Variants in CCDC60 observed in about 807,000 individuals in gnomAD.
CCDC60 encodes the protein coiled-coil domain containing 60, also known as coiled-coil domain-containing protein 60.
A neutral mutation model predicts 63.5 loss-of-function variants in CCDC60; 54 were observed. The observed-to-expected ratio is 0.85, with a 90% confidence interval of 0.68 to 1.07. The LOEUF (loss-of-function observed/expected upper bound fraction) is 1.07, where lower values mean the gene tolerates loss of function less well. Among genes scored for constraint, CCDC60 ranks in the 50% least tolerant of loss-of-function variants. CCDC60 has a pLI of 0.00. For synonymous variants in CCDC60, 206 were observed against 238.8 expected, an observed-to-expected ratio of 0.86 and a Z score of 1.27; for missense variants, 651 against 684.3, an observed-to-expected ratio of 0.95 and a Z score of 0.54.
chr12:119,498,316 A>T (rs1248866181), intron 5 of CCDC60, among the ~76,000 whole-genome samples: 2 of 151,776 alleles, frequency 1.3e-5, no homozygotes, highest in East Asian at 3.9e-4. Flanking sequence ...AAACCAAAGC[A>T]GTTCTGTTCA....
chr12:119,422,456 TGG>T (rs2136221545), intron 1 of CCDC60, among the ~76,000 whole-genome samples: 2 of 152,352 alleles, frequency 1.3e-5, no homozygotes, highest in African/African-American at 4.8e-5. Context: ...TGCTGGCATC[TGG>T]TCCTGGGGAG....
At chr12:119,433,788 T>C (rs969372317) in intron 2 of CCDC60, among the ~76,000 whole-genome samples, 4 of 152,212 alleles carry the variant, frequency 2.6e-5, no homozygotes, top group Admixed American at 2.6e-4. Flanking sequence ...CCTGGTTTCA[T>C]GGCCAATTTA....
chr12:119,339,472 C>T (rs146327645), intron 1 of CCDC60, among the ~76,000 whole-genome samples: 2 of 152,274 alleles, frequency 1.3e-5, no homozygotes, highest in East Asian at 3.9e-4. Flanking sequence ...TTGCTCATAT[C>T]CTAGCTTTTA....
intron 1 of CCDC60, among the ~76,000 whole-genome samples, chr12:119,360,156 C>G (rs1177564936): frequency 6.7e-6 from 1 of 149,134 alleles, no homozygotes; most frequent in Non-Finnish European, 1.5e-5. Flanking sequence ...GCTGGCCGGG[C>G]GGGGGGCTGA....
intron 2 of CCDC60, 54 bp downstream of exon 2, chr12:119,428,816 G>A (rs1407568608): frequency 8.4e-7 from 1 of 1,193,976 alleles, no homozygotes; most frequent in Non-Finnish European, 1.2e-6. Flanking sequence ...GCATGAGCAG[G>A]CTATGGGGTG....
chr12:119,373,337 GC>G (rs1955916890), intron 1 of CCDC60, among the ~76,000 whole-genome samples: 1 of 152,062 alleles, frequency 6.6e-6, no homozygotes, highest in Non-Finnish European at 1.5e-5. Context: ...AGAAAAGCTG[GC>G]TCCAATCACT....
intron 1 of CCDC60, among the ~76,000 whole-genome samples, chr12:119,365,050 T>G (rs1288080471): frequency 6.6e-6 from 1 of 152,204 alleles, no homozygotes; most frequent in Non-Finnish European, 1.5e-5. Flanking sequence ...TTCTTAAAAA[T>G]ATTGTTCCAT....
Position 119,509,034 on chromosome 12 carries a change from G to A in CCDC60, c.883+3731G>A, listed in dbSNP as rs553427692. On this transcript the variant is annotated intron_variant, in intron 7 of 13. Transcript: ENST00000327554. The stretch of plus-strand genomic sequence containing the variant: ...GAGGGGTAAATGGAGCATCTCTCTA[G>A]GCACCTGCAACACTGCAGGCATGTC... Among the ~76,000 whole-genome samples, 5 of 152,096 alleles carry A rather than the reference G, an allele frequency of 3.3e-5. No individual in the cohort carries two copies. The South Asian group carries it at 1.0e-3, about 32-fold the overall frequency.
intron 13 of CCDC60, among the ~76,000 whole-genome samples, chr12:119,537,804 C>T (rs191852815): frequency 6.0e-4 from 92 of 152,276 alleles, no homozygotes; most frequent in Non-Finnish European, 1.3e-4. Flanking sequence ...CCCAAAGGGG[C>T]GCCCGCCTGT....
chr12:119,385,215 G>A (rs1386561585), intron 1 of CCDC60, among the ~76,000 whole-genome samples: 1 of 152,154 alleles, frequency 6.6e-6, no homozygotes, highest in African/African-American at 2.4e-5. Context: ...TCCCTGCTCT[G>A]TGCCCCAGGA....
At chr12:119,403,883 C>T (rs4471499) in intron 1 of CCDC60, among the ~76,000 whole-genome samples, 11,554 of 152,228 alleles carry the variant, frequency 0.076, 563 homozygotes, top group Middle Eastern at 0.16. Context: ...TGGCATACAA[C>T]GTGATGTTTT....
At position 119,420,371 on chromosome 12, in the gene CCDC60, C is replaced by CA. The variant is rs564723010; in HGVS notation, c.91-8304dup. Reference sequence around the variant, plus strand: ...ACCAAAATGGAGTATTATTCAGCTACAAAAAAAAGAGTGAGATCCAGTTAT... The same window carrying CA: ...ACCAAAATGGAGTATTATTCAGCTACAAAAAAAAAGAGTGAGATCCAGTTAT... On this transcript the variant is annotated intron_variant, in intron 1 of 13. Coordinates refer to ENST00000327554, the MANE Select transcript of CCDC60 (RefSeq NM_178499.5). The surrounding 1 kb of genome is among the most constrained non-coding windows in gnomAD (Gnocchi z 4.1). Among the ~76,000 whole-genome samples, 27 of 151,590 alleles carry CA rather than the reference C, an allele frequency of 1.8e-4. No individual in the cohort carries two copies. Among genetic ancestry groups the CA allele is most frequent in the African/African-American group, 3.9e-4 (16 of 41,352 alleles).
At chr12:119,463,502 G>A (rs774898170) in intron 2 of CCDC60, among the ~76,000 whole-genome samples, 3 of 152,178 alleles carry the variant, frequency 2.0e-5, no homozygotes, top group Non-Finnish European at 4.4e-5. Flanking sequence ...ATCTTCAAAT[G>A]GAAGTGATAA....
At chr12:119,454,389 G>A (rs1237300747) in intron 2 of CCDC60, among the ~76,000 whole-genome samples, 16 of 152,216 alleles carry the variant, frequency 1.1e-4, no homozygotes, top group Non-Finnish European at 8.8e-5. Flanking sequence ...ACTATAGAGA[G>A]AAACCTCCTG....
At chr12:119,523,594 C>G in intron 10 of CCDC60, 99 bp from the exon 11 acceptor site, 1 of 1,539,316 alleles carries the variant, frequency 6.5e-7, no homozygotes, top group Non-Finnish European at 8.8e-7. Context: ...GTCCCCCATG[C>G]AGAGCACCTT....
chr12:119,344,130 C>G (rs936527109), intron 1 of CCDC60, among the ~76,000 whole-genome samples: 1 of 152,100 alleles, frequency 6.6e-6, no homozygotes, highest in Non-Finnish European at 1.5e-5. Context: ...CATTTGAGGC[C>G]AGATAGGCTG....
At position 119,387,076 on chromosome 12, in the gene CCDC60, T is replaced by A. The variant is rs543475662; in HGVS notation, c.91-41607T>A. Among the ~76,000 whole-genome samples, 848 of 110,024 alleles carry A rather than the reference T, an allele frequency of 7.7e-3. 6 individuals are homozygous for A. Among genetic ancestry groups the A allele is most frequent in the Admixed American group, 0.015 (141 of 9,592 alleles). 72.2% of individuals were successfully genotyped at this position (110,024 alleles called of 152,430 possible). A position where few individuals can be genotyped will look rare whatever the true frequency, so the allele number is the denominator to read the frequency against. ...CACACACACACACACACACACACAC[T>A]CTCCAATTAAAATGTTTCAGCTCTT... is the stretch of plus-strand genomic sequence containing the variant. On this transcript the variant is annotated intron_variant, in intron 1 of 13. Transcript: ENST00000327554.
chr12:119,377,819 T>A (rs989496200), intron 1 of CCDC60, among the ~76,000 whole-genome samples: 1 of 152,184 alleles, frequency 6.6e-6, no homozygotes, highest in African/African-American at 2.4e-5. Context: ...CATAAGGAAG[T>A]GCTTGCGGTA....
chr12:119,428,609 C>A, intron 1 of CCDC60, 74 bp from the exon 2 acceptor site: 3 of 995,930 alleles, frequency 3.0e-6, no homozygotes, highest in South Asian at 1.5e-5. Flanking sequence ...AACCCATGAG[C>A]CTCCTGTGCC....
Sources: allele counts gnomAD v4.1 joint callset (sites outside exome capture counted in the v4.1 genomes callset), GRCh38; gene constraint gnomAD v4.1.1; non-coding constraint Gnocchi (gnomAD v3.1); transcripts MANE v1.5; gene names NCBI Gene and HGNC (gene_info 2026-07-23, HGNC 2026-07-21).